SPIDR: variants seen among roughly 807,000 people sequenced by gnomAD.
The protein encoded by SPIDR is DNA repair-scaffolding protein.
In SPIDR, 93 loss-of-function variants were observed where a neutral mutation model predicts 104.6. The observed-to-expected ratio is 0.89, with a 90% CI of 0.75 to 1.06. The LOEUF is 1.06. SPIDR is among the 50% of genes least tolerant of loss of function. The pLI, the probability that SPIDR is intolerant of heterozygous loss-of-function variation, is 0.00. For missense variants in SPIDR, 1,154 were observed against 1,111.2 expected (o/e 1.04, Z -0.55); for synonymous variants, 431 against 416.9 (o/e 1.03, Z -0.41).
intron 5 of SPIDR, among the ~76,000 whole-genome samples, chr8:47,319,958 G>A (rs965688120): frequency 6.6e-6 from 1 of 151,526 alleles, no homozygotes; most frequent in Non-Finnish European, 1.5e-5. Context: ...GTGTGTAGAG[G>A]GAAATTTATA....
At chr8:47,696,366 G>A (rs568158922) in intron 11 of SPIDR, among the ~76,000 whole-genome samples, 169 of 152,164 alleles carry the variant, frequency 1.1e-3, no homozygotes, top group South Asian at 3.7e-3. Flanking sequence ...ACTTTGCTCC[G>A]TATAAATATC....
chr8:47,584,473 T>G (rs2060062159), intron 8 of SPIDR, among the ~76,000 whole-genome samples: 3 of 152,246 alleles, frequency 2.0e-5, no homozygotes, highest in Non-Finnish European at 4.4e-5. Context: ...ACCATCATTT[T>G]GTTACTTAAT....
chr8:47,574,958 A>G (rs752886029), intron 8 of SPIDR, among the ~76,000 whole-genome samples: 2 of 152,028 alleles, frequency 1.3e-5, no homozygotes, highest in Non-Finnish European at 2.9e-5. Flanking sequence ...AATAATTACT[A>G]TGATGTTTCT....
At chr8:47,685,477 TTTTATTTA>T (rs35880765) in intron 11 of SPIDR, among the ~76,000 whole-genome samples, 68 of 131,536 alleles carry the variant, frequency 5.2e-4, no homozygotes, top group East Asian at 6.7e-4. Flanking sequence ...AGGTCAGTGG[TTTTATTTA>T]TTTATTTATT....
At chr8:47,503,397 TC>T (rs541553957) in intron 8 of SPIDR, among the ~76,000 whole-genome samples, 14 of 152,316 alleles carry the variant, frequency 9.2e-5, no homozygotes, top group African/African-American at 3.1e-4. Flanking sequence ...GTAATGGCCT[TC>T]TTTGTCTCTT....
intron 5 of SPIDR, among the ~76,000 whole-genome samples, chr8:47,343,505 A>G (rs1291519688): frequency 6.6e-5 from 10 of 152,148 alleles, no homozygotes; most frequent in Non-Finnish European, 7.4e-5. Context: ...TTACTTACAG[A>G]CAGGTAGTGA....
intron 10 of SPIDR, among the ~76,000 whole-genome samples, chr8:47,622,494 T>G (rs2065312909): frequency 6.6e-6 from 1 of 151,938 alleles, no homozygotes; most frequent in Non-Finnish European, 1.5e-5. Flanking sequence ...CTGACGCGGG[T>G]CTCCTTTGGT....
chr8:47,361,938 G>A (rs1002848565), intron 5 of SPIDR, among the ~76,000 whole-genome samples: 5 of 152,202 alleles, frequency 3.3e-5, no homozygotes, highest in African/African-American at 9.7e-5. Context: ...CTGCCTTTTG[G>A]TATAATTGTC....
chr8:47,302,423 C>G (rs1554578084), intron 5 of SPIDR, among the ~76,000 whole-genome samples: 1 of 152,066 alleles, frequency 6.6e-6, no homozygotes, highest in Non-Finnish European at 1.5e-5. Context: ...GTTTGATCGT[C>G]TGAAGCCTTC....
At chr8:47,369,955 G>A (rs2154294428) in intron 5 of SPIDR, among the ~76,000 whole-genome samples, 1 of 150,828 alleles carries the variant, frequency 6.6e-6, no homozygotes, top group East Asian at 1.9e-4. Flanking sequence ...TTAAGGGAGA[G>A]TCTTTTCCTT....
intron 6 of SPIDR, among the ~76,000 whole-genome samples, chr8:47,407,260 G>A (rs2062880881): frequency 6.6e-6 from 1 of 152,144 alleles, no homozygotes; most frequent in African/African-American, 2.4e-5. Flanking sequence ...TATAACATTG[G>A]TATCTTTGCT....
At chr8:47,363,359 C>G (rs1317190595) in intron 5 of SPIDR, among the ~76,000 whole-genome samples, 2 of 151,490 alleles carry the variant, frequency 1.3e-5, no homozygotes, top group African/African-American at 4.9e-5. Flanking sequence ...GCGCCCGCCG[C>G]TACTCCCGGC....
chr8:47,600,109 G>A (rs2062075475), intron 10 of SPIDR, among the ~76,000 whole-genome samples: 1 of 152,236 alleles, frequency 6.6e-6, no homozygotes, highest in African/African-American at 2.4e-5. Context: ...CCTCAAAGAA[G>A]TAACATGGAT....
chr8:47,331,974 TTTTTTTTTTTTTCTC>T (rs2048779456), intron 5 of SPIDR, among the ~76,000 whole-genome samples: 3 of 66,094 alleles, frequency 4.5e-5, no homozygotes, highest in African/African-American at 7.9e-5. Flanking sequence ...ACTTTTTTTT[TTTTTTTTTTTTTCTC>T]TTTTTTTTTT....
chr8:47,517,278 G>C (rs545655552), intron 8 of SPIDR, among the ~76,000 whole-genome samples: 11 of 152,214 alleles, frequency 7.2e-5, no homozygotes, highest in African/African-American at 2.4e-4. Flanking sequence ...GAGCCACCGT[G>C]CCTGGCAGAT....
intron 8 of SPIDR, among the ~76,000 whole-genome samples, chr8:47,525,775 A>G (rs2084892223): frequency 6.9e-6 from 1 of 145,566 alleles, no homozygotes; most frequent in African/African-American, 2.5e-5. Context: ...CCCTGCCTCA[A>G]AAAAAAAAAA....
chr8:47,553,672 C>T (rs1274492646), intron 8 of SPIDR, among the ~76,000 whole-genome samples: 1 of 152,168 alleles, frequency 6.6e-6, no homozygotes, highest in Non-Finnish European at 1.5e-5. Context: ...TTTTTAGCTT[C>T]TTTGCGATGG....
chr8:47,562,181 A>G lies in SPIDR; in HGVS notation c.1098-33630A>G, dbSNP rs531047692. Among the ~76,000 whole-genome samples, 7 of 152,354 alleles carry G rather than the reference A, an allele frequency of 4.6e-5. No individual in the cohort carries two copies. The East Asian group carries it at 1.2e-3, about 25-fold the overall frequency. ...TTTTCTTCTCCTCTTGCCATTTGGC[A>G]TTATATAATGTAGATTTCCCCATTC... On this transcript the variant is annotated intron_variant, in intron 8 of 19. Coordinates refer to ENST00000297423, the MANE Select transcript of SPIDR (RefSeq NM_001080394.4).
intron 8 of SPIDR, among the ~76,000 whole-genome samples, chr8:47,498,534 G>C (rs2079822720): frequency 6.6e-6 from 1 of 152,112 alleles, no homozygotes; most frequent in Non-Finnish European, 1.5e-5. Context: ...GACCTTCCCA[G>C]ATAGTCTCTA....
Sources: gnomAD v4.1 joint callset for allele counts (sites outside exome capture counted in the v4.1 genomes callset) on GRCh38, gnomAD v4.1.1 for gene constraint, MANE v1.5 for transcripts, NCBI Gene and HGNC (gene_info 2026-07-23, HGNC 2026-07-21) for gene names.